Variants in KIRREL3 observed in about 807,000 individuals in gnomAD.
KIRREL3 encodes the protein kin of IRRE-like protein 3.
KIRREL3 carries 36 observed loss-of-function variants against 89.7 expected under a neutral mutation model. The observed-to-expected ratio is 0.40, with a 90% CI of 0.31 to 0.53. The LOEUF (loss-of-function observed/expected upper bound fraction) is 0.53. KIRREL3 is among the 20% of genes least tolerant of loss of function. The probability of loss-of-function intolerance (pLI) is 0.49; values close to 1 mark genes in which losing one functional copy is unlikely to be tolerated. For synonymous variants in KIRREL3, 445 were observed against 441.4 expected (o/e 1.01, Z -0.10); for missense variants, 864 against 1,056.6 (o/e 0.82, Z 2.53).
chr11:126,692,422 G>GTAGT (rs1284922719), intron 1 of KIRREL3, among the ~76,000 whole-genome samples: 1 of 151,816 alleles, frequency 6.6e-6, no homozygotes, highest in African/African-American at 2.4e-5. Flanking sequence ...GCACACACCT[G>GTAGT]TAGTCTCAGC....
Position 126,473,484 on chromosome 11 carries a change from G to T in KIRREL3, c.434-18C>A. The T allele has an allele frequency of 6.5e-7, 1 of 1,531,756 alleles. No homozygotes were observed. Among genetic ancestry groups the T allele is most frequent in the Non-Finnish European group, 8.9e-7 (1 of 1,125,176 alleles). 94.9% of individuals were successfully genotyped at this position (1,531,756 alleles called of 1,614,324 possible). A position where few individuals can be genotyped will look rare whatever the true frequency, so the allele number is the denominator to read the frequency against. On this transcript the variant is annotated intron_variant, in intron 4 of 16. Coordinates refer to ENST00000525144, the MANE Select transcript of KIRREL3 (RefSeq NM_032531.4). ...AGGCGGCACTGCGGGGAGAGAAGCA[G>T]TGAGGTCAGGCCGAGGCTCCCACCT...
Position 126,948,628 on chromosome 11 carries a change from C to G in KIRREL3, c.55+51827G>C, listed in dbSNP as rs1948689176. Among the ~76,000 whole-genome samples, 1 of 152,226 alleles carries G rather than the reference C, an allele frequency of 6.6e-6. No individual in the cohort carries two copies. ...TGGGACTCAGTTTCCTTATTCAGAGCTTGACCAGTGCTCTTTTTTGCTTTC... is the reference window on the plus strand; with the variant it reads ...TGGGACTCAGTTTCCTTATTCAGAGGTTGACCAGTGCTCTTTTTTGCTTTC... On this transcript the variant is annotated intron_variant, in intron 1 of 16. Coordinates refer to ENST00000525144, the MANE Select transcript of KIRREL3 (RefSeq NM_032531.4). This position sits in a 1 kb window ranked among gnomAD's most constrained non-coding sequence, Gnocchi z 4.5.
chr11:126,945,828 G>T (rs573795633), intron 1 of KIRREL3, among the ~76,000 whole-genome samples: 1 of 152,272 alleles, frequency 6.6e-6, no homozygotes, highest in South Asian at 2.1e-4. Context: ...GCTAAGAGTT[G>T]CCCTGTTGGA....
At position 126,772,398 on chromosome 11, in the gene KIRREL3, G is replaced by A. The variant is rs1214026451; in HGVS notation, c.56-209486C>T. Among the ~76,000 whole-genome samples the A allele has an allele frequency of 6.6e-6, 1 of 152,180 alleles. No individual in the cohort carries two copies. Among genetic ancestry groups the A allele is most frequent in the Non-Finnish European group, 1.5e-5 (1 of 68,024 alleles). On this transcript the variant is annotated intron_variant, in intron 1 of 16. Coordinates refer to ENST00000525144, the MANE Select transcript of KIRREL3 (RefSeq NM_032531.4). This position sits in a 1 kb window ranked among gnomAD's most constrained non-coding sequence, Gnocchi z 4.6. ...GGAATGCCAGGCTCAGCGGCACCAC[G>A]TGGTGCGGGGATGGCTTATAATTTG...
chr11:126,735,948 T>C (rs186290109), intron 1 of KIRREL3, among the ~76,000 whole-genome samples: 254 of 152,336 alleles, frequency 1.7e-3, no homozygotes, highest in African/African-American at 5.7e-3. Flanking sequence ...CTTCCAGGCA[T>C]TGGCAATTCA....
Position 126,682,303 on chromosome 11 carries a change from G to C in KIRREL3, c.56-119391C>G, listed in dbSNP as rs1946493452. On this transcript the variant is annotated intron_variant, in intron 1 of 16. Transcript: ENST00000525144. This position sits in a 1 kb window ranked among gnomAD's most constrained non-coding sequence, Gnocchi z 4.8. ...GTCGCCCTCTCTTCCTTCTAGGTTAGAGTGGGTGACACTGAGCATGTAACT... is the reference window on the plus strand; with the variant it reads ...GTCGCCCTCTCTTCCTTCTAGGTTACAGTGGGTGACACTGAGCATGTAACT... 6.6e-6 allele frequency among the ~76,000 whole-genome samples: 1 copy of C among 152,114 alleles called. No homozygotes were observed. The highest frequency in any genetic ancestry group is 1.5e-5 in the Non-Finnish European group (1 of 68,022).
chr11:126,498,709 A>G lies in KIRREL3; in HGVS notation c.433+22606T>C, dbSNP rs1957754406. Reference sequence around the variant, plus strand: ...AGGAATGGTGTGTCCATGGGGACAGAGCTGGCCTGGCGTCCCAGTATCCTG... The same window carrying G: ...AGGAATGGTGTGTCCATGGGGACAGGGCTGGCCTGGCGTCCCAGTATCCTG... On this transcript the variant is annotated intron_variant, in intron 4 of 16. Coordinates refer to ENST00000525144, the MANE Select transcript of KIRREL3 (RefSeq NM_032531.4). The surrounding 1 kb of genome is among the most constrained non-coding windows in gnomAD (Gnocchi z 4.3). Among the ~76,000 whole-genome samples the G allele has an allele frequency of 6.6e-6, 1 of 152,170 alleles. No homozygotes were observed. Among genetic ancestry groups the G allele is most frequent in the Admixed American group, 6.5e-5 (1 of 15,282 alleles).
At chr11:126,577,040 A>G (rs918373229) in intron 1 of KIRREL3, among the ~76,000 whole-genome samples, 12 of 152,040 alleles carry the variant, frequency 7.9e-5, no homozygotes, top group Non-Finnish European at 1.8e-4. Context: ...CTGCCACTCA[A>G]CCTCTGGGTG....
At chr11:126,538,046 C>A (rs572150013) in intron 2 of KIRREL3, among the ~76,000 whole-genome samples, 2 of 151,396 alleles carry the variant, frequency 1.3e-5, no homozygotes, top group African/African-American at 4.9e-5. Flanking sequence ...CAGAGCAGCA[C>A]CTGTCTTGCA....
At position 126,772,859 on chromosome 11, in the gene KIRREL3, C is replaced by A. The variant is rs1950060129; in HGVS notation, c.56-209947G>T. On this transcript the variant is annotated intron_variant, in intron 1 of 16. Transcript: ENST00000525144. This position sits in a 1 kb window ranked among gnomAD's most constrained non-coding sequence, Gnocchi z 4.6. ...AGCACCATACCTACTGCATCTGGAT[C>A]TTCATAATTTGGCCAGAAACCTGCT... is the stretch of plus-strand genomic sequence containing the variant. 1.3e-5 allele frequency among the ~76,000 whole-genome samples: 2 copies of A among 152,198 alleles called. No individual in the cohort carries two copies. The highest frequency in any genetic ancestry group is 2.9e-5 in the Non-Finnish European group (2 of 68,034).
chr11:126,469,580 C>G (rs1339322548), intron 5 of KIRREL3, among the ~76,000 whole-genome samples: 1 of 152,244 alleles, frequency 6.6e-6, no homozygotes, highest in Non-Finnish European at 1.5e-5. Context: ...TGTAGCTTCT[C>G]CCTGCCCGGC....
At position 126,993,990 on chromosome 11, in the gene KIRREL3, G is replaced by A. The variant is rs978667247; in HGVS notation, c.55+6465C>T. The stretch of plus-strand genomic sequence containing the variant: ...CCATCTAGATAATTCAGCATGATGC[G>A]CACACATCCTTTCTTATACTGACAT... On this transcript the variant is annotated intron_variant, in intron 1 of 16. Coordinates refer to ENST00000525144, the MANE Select transcript of KIRREL3 (RefSeq NM_032531.4). The surrounding 1 kb of genome is among the most constrained non-coding windows in gnomAD (Gnocchi z 6.1). Among the ~76,000 whole-genome samples, 1 of 151,996 alleles carries A rather than the reference G, an allele frequency of 6.6e-6. No individual in the cohort carries two copies. The highest frequency in any genetic ancestry group is 1.5e-5 in the Non-Finnish European group (1 of 68,032).
rs1429900352 is a variant in KIRREL3 at position 126,883,985 on chromosome 11, G to C, written c.55+116470C>G. ...CCCTGTTCCTGCAGGTATTAAAGTG[G>C]AGGGTGACTGGCCACCCGGGGAGAT... On this transcript the variant is annotated intron_variant, in intron 1 of 16. Transcript: ENST00000525144. The surrounding 1 kb of genome is among the most constrained non-coding windows in gnomAD (Gnocchi z 4.1). Among the ~76,000 whole-genome samples, 1 of 152,178 alleles carries C rather than the reference G, an allele frequency of 6.6e-6. No homozygotes were observed. Among genetic ancestry groups the C allele is most frequent in the African/African-American group, 2.4e-5 (1 of 41,452 alleles).
rs932329658 is a variant in KIRREL3, at chr11:126,498,241, T to C, written c.433+23074A>G. On this transcript the variant is annotated intron_variant, in intron 4 of 16. Transcript: ENST00000525144. This position sits in a 1 kb window ranked among gnomAD's most constrained non-coding sequence, Gnocchi z 4.3. Reference sequence around the variant, plus strand: ...TAGCACAAAAGAGGATTTACTTTCTTCCCCCAAAATGATGTCATCAGCTAA... The same window carrying C: ...TAGCACAAAAGAGGATTTACTTTCTCCCCCCAAAATGATGTCATCAGCTAA... Among the ~76,000 whole-genome samples, 17 of 151,916 alleles carry C rather than the reference T, an allele frequency of 1.1e-4. No homozygotes were observed. The highest frequency in any genetic ancestry group is 4.1e-4 in the African/African-American group (17 of 41,346).
chr11:126,542,831 C>G (rs985159618), intron 2 of KIRREL3, among the ~76,000 whole-genome samples: 2 of 152,220 alleles, frequency 1.3e-5, no homozygotes. Context: ...AATTTGCCAA[C>G]AGATACTTGA....
chr11:126,973,070 CT>C (rs1949472224), intron 1 of KIRREL3, among the ~76,000 whole-genome samples: 1 of 125,990 alleles, frequency 7.9e-6, no homozygotes, highest in East Asian at 2.5e-4. Context: ...TAGCAGACAA[CT>C]TATTCCACTG....
At chr11:126,681,154 A>G (rs960835087) in intron 1 of KIRREL3, among the ~76,000 whole-genome samples, 37 of 152,212 alleles carry the variant, frequency 2.4e-4, no homozygotes, top group Non-Finnish European at 4.7e-4. Flanking sequence ...AAATAATGCC[A>G]GGAACTTCCC....
At chr11:126,887,329 G>A (rs1173630150) in intron 1 of KIRREL3, among the ~76,000 whole-genome samples, 1 of 152,182 alleles carries the variant, frequency 6.6e-6, no homozygotes, top group East Asian at 1.9e-4. Context: ...AGCATGTCTT[G>A]TCAGTGGAAC....
chr11:126,465,003 C>G (rs951764781), intron 5 of KIRREL3, among the ~76,000 whole-genome samples: 1 of 152,180 alleles, frequency 6.6e-6, no homozygotes, highest in Admixed American at 6.5e-5. Context: ...TCTCCTGTTC[C>G]TCTTTGCAGC....
Sources: gnomAD v4.1 joint callset for allele counts (sites outside exome capture counted in the v4.1 genomes callset) on GRCh38, gnomAD v4.1.1 for gene constraint, Gnocchi (gnomAD v3.1) non-coding constraint, MANE v1.5 for transcripts, NCBI Gene and HGNC (gene_info 2026-07-23, HGNC 2026-07-21) for gene names.